The following STAU2 variants were observed in gnomAD, a reference collection of about 807,000 sequenced individuals.
The protein encoded by STAU2 is double-stranded RNA-binding protein Staufen homolog 2.
In STAU2, 20 loss-of-function variants were observed where a neutral mutation model predicts 65.9. That is an observed-to-expected ratio of 0.30 (90% CI 0.21 to 0.44). STAU2 has a LOEUF of 0.44. Ranked by LOEUF, STAU2 falls within the 20% of genes least tolerant of loss-of-function variation. The pLI, the probability that STAU2 is intolerant of heterozygous loss-of-function variation, is 1.00. For synonymous variants in STAU2, 232 were observed against 233.9 expected (o/e 0.99, Z 0.07); for missense variants, 558 against 683.9 (o/e 0.82, Z 2.05).
chr8:73,625,947 G>C (rs1813603680), intron 6 of STAU2, among the ~76,000 whole-genome samples: 1 of 152,022 alleles, frequency 6.6e-6, no homozygotes, highest in African/African-American at 2.4e-5. Context: ...AATTGCTAGG[G>C]GGGTATGTGA....
chr8:73,582,702 C>T, intron 12 of STAU2, 68 bp downstream of exon 12: 4 of 1,443,376 alleles, frequency 2.8e-6, no homozygotes, highest in Middle Eastern at 3.5e-4. Flanking sequence ...CCAACCAATC[C>T]CAGTGACAGC....
chr8:73,604,005 T>C, intron 9 of STAU2, 142 bp from the exon 10 acceptor site: 2 of 967,524 alleles, frequency 2.1e-6, no homozygotes, highest in Non-Finnish European at 2.9e-6. Context: ...TATGAATATT[T>C]ATAAAGGAAA....
At chr8:73,658,128 C>T (rs1586210501) in intron 6 of STAU2, among the ~76,000 whole-genome samples, 2 of 152,212 alleles carry the variant, frequency 1.3e-5, no homozygotes, top group South Asian at 4.1e-4. Flanking sequence ...CTCTGAGAGG[C>T]TGAGGTGGGC....
At chr8:73,430,987 A>G (rs1278990602) in intron 13 of STAU2, among the ~76,000 whole-genome samples, 1 of 152,194 alleles carries the variant, frequency 6.6e-6, no homozygotes, top group Non-Finnish European at 1.5e-5. Flanking sequence ...AAATCCTACC[A>G]TCTGCAGTTC....
At chr8:73,672,094 G>C (rs1817724202) in intron 6 of STAU2, 1 of 152,074 alleles carries the variant, frequency 6.6e-6, no homozygotes, top group African/African-American at 2.4e-5. Flanking sequence ...TAAGTGAAAA[G>C]AGAGTGCTTG....
chr8:73,548,230 T>TA (rs1243526904), intron 13 of STAU2, among the ~76,000 whole-genome samples: 6 of 148,282 alleles, frequency 4.0e-5, no homozygotes, highest in African/African-American at 1.5e-4. Context: ...ATTGATCTCC[T>TA]AACAAAAATG....
chr8:73,609,447 A>T (rs563460698), intron 9 of STAU2, among the ~76,000 whole-genome samples: 12 of 151,932 alleles, frequency 7.9e-5, no homozygotes, highest in African/African-American at 2.9e-4. Flanking sequence ...AGGTCAGGAG[A>T]TCAAGACCAG....
At chr8:73,625,257 C>T (rs1813549248) in intron 6 of STAU2, among the ~76,000 whole-genome samples, 2 of 152,042 alleles carry the variant, frequency 1.3e-5, no homozygotes, top group Non-Finnish European at 2.9e-5. Flanking sequence ...AACAAAAACT[C>T]GTAGGTAAAT....
chr8:73,455,374 G>A lies in STAU2; in HGVS notation c.1531-32672C>T, dbSNP rs564011995. On this transcript the variant is annotated intron_variant, in intron 13 of 14. Coordinates refer to ENST00000524300, the MANE Select transcript of STAU2 (RefSeq NM_001164380.2). ...CTCTCAGGGGCTGTGCGGTCAGGGCGAAGGTTTTGGGAGCCAGGAGTACAG... is the reference window on the plus strand; with the variant it reads ...CTCTCAGGGGCTGTGCGGTCAGGGCAAAGGTTTTGGGAGCCAGGAGTACAG... Among the ~76,000 whole-genome samples the A allele has an allele frequency of 1.2e-4, 19 of 152,272 alleles. No individual in the cohort carries two copies. In the South Asian group the frequency reaches 3.9e-3, roughly 32 times the overall value.
intron 6 of STAU2, among the ~76,000 whole-genome samples, chr8:73,631,997 G>T (rs1814127785): frequency 6.6e-6 from 1 of 151,402 alleles, no homozygotes; most frequent in East Asian, 1.9e-4. Context: ...GCAAGAAGGG[G>T]GGAGGAGAGG....
chr8:73,650,165 G>A (rs1441191163), intron 6 of STAU2, among the ~76,000 whole-genome samples: 1 of 151,710 alleles, frequency 6.6e-6, no homozygotes, highest in Non-Finnish European at 1.5e-5. Context: ...AATTTAACAT[G>A]GTCCCAGCTG....
At chr8:73,453,223 CAA>C (rs1818892806) in intron 13 of STAU2, among the ~76,000 whole-genome samples, 1 of 152,018 alleles carries the variant, frequency 6.6e-6, no homozygotes, top group Non-Finnish European at 1.5e-5. Context: ...AACAAAGAAA[CAA>C]ACAAAAGAAA....
intron 5 of STAU2, among the ~76,000 whole-genome samples, chr8:73,686,155 C>G (rs1164424518): frequency 6.6e-6 from 1 of 152,228 alleles, no homozygotes; most frequent in African/African-American, 2.4e-5. Context: ...TGGCTCACGC[C>G]TGTAATCCCA....
intron 13 of STAU2, among the ~76,000 whole-genome samples, chr8:73,433,291 G>C (rs186881750): frequency 3.3e-5 from 5 of 150,674 alleles, no homozygotes; most frequent in Admixed American, 3.3e-4. Flanking sequence ...TGGAACCTCC[G>C]CCTCCCGGGT....
At chr8:73,566,670 T>C (rs1808635080) in intron 12 of STAU2, among the ~76,000 whole-genome samples, 1 of 152,216 alleles carries the variant, frequency 6.6e-6, no homozygotes, top group African/African-American at 2.4e-5. Context: ...AAGTCTTCAC[T>C]ACCTTTAACT....
chr8:73,626,765 G>C (rs1051960589), intron 6 of STAU2, among the ~76,000 whole-genome samples: 2 of 152,182 alleles, frequency 1.3e-5, no homozygotes, highest in Non-Finnish European at 2.9e-5. Context: ...AAGCATCGCT[G>C]CTCATTCCAA....
chr8:73,459,727 C>T (rs947493244), intron 13 of STAU2, among the ~76,000 whole-genome samples: 5 of 152,204 alleles, frequency 3.3e-5, no homozygotes, highest in Admixed American at 6.5e-5. Context: ...ATCACACCCA[C>T]GCTGTTGTCA....
intron 5 of STAU2, among the ~76,000 whole-genome samples, chr8:73,687,348 A>AAATATAAATATAAATTAT (rs1563506860): frequency 6.7e-5 from 2 of 29,758 alleles, no homozygotes; most frequent in Non-Finnish European, 1.5e-4. Context: ...TTATATTTAT[A>AAATATAAATATAAATTAT]ATTTATATAA....
rs944066947 is a variant in STAU2 at position 73,471,357 on chromosome 8, A to AT, written c.1531-48656dup. On this transcript the variant is annotated intron_variant, in intron 13 of 14. Coordinates refer to ENST00000524300, the MANE Select transcript of STAU2 (RefSeq NM_001164380.2). ...CTGGCTAATTTATTTTTTTATTTTTATTTTTTTTTTAGTAAAGATGGCGTT... is the reference window on the plus strand; with the variant it reads ...CTGGCTAATTTATTTTTTTATTTTTATTTTTTTTTTTAGTAAAGATGGCGTT... Among the ~76,000 whole-genome samples, 82 of 143,930 alleles carry AT rather than the reference A, an allele frequency of 5.7e-4. 1 individual carries two copies. The highest frequency in any genetic ancestry group is 1.3e-3 in the African/African-American group (52 of 39,136). 94.4% of individuals were successfully genotyped at this position (143,930 alleles called of 152,430 possible). A position where few individuals can be genotyped will look rare whatever the true frequency, so the allele number is the denominator to read the frequency against.
Sources: gnomAD v4.1 joint callset for allele counts (sites outside exome capture counted in the v4.1 genomes callset) on GRCh38, gnomAD v4.1.1 for gene constraint, MANE v1.5 for transcripts, NCBI Gene and HGNC (gene_info 2026-07-23, HGNC 2026-07-21) for gene names.